COL23A1: variants seen among roughly 807,000 people sequenced by gnomAD.
COL23A1 encodes collagen type XXIII alpha 1 chain.
Under a neutral mutation model 99.3 loss-of-function variants are expected in COL23A1, and 97 were observed. The observed-to-expected ratio is 0.98, with a 90% confidence interval of 0.83 to 1.16. The LOEUF is 1.16. Among genes scored for constraint, COL23A1 ranks in the 50% most tolerant of loss-of-function variants. The pLI is 0.00. For missense variants in COL23A1, 762 were observed against 757.4 expected (o/e 1.01, Z -0.07); for synonymous variants, 320 against 308.2 (o/e 1.04, Z -0.40).
intron 2 of COL23A1, among the ~76,000 whole-genome samples, chr5:178,552,107 T>A (rs1259744094): frequency 6.6e-6 from 1 of 152,206 alleles, no homozygotes; most frequent in East Asian, 1.9e-4. Context: ...CAGATCCTCC[T>A]GACCCGAAGT....
chr5:178,487,178 G>A (rs1484690959), intron 2 of COL23A1, among the ~76,000 whole-genome samples: 1 of 151,950 alleles, frequency 6.6e-6, no homozygotes, highest in African/African-American at 2.4e-5. Context: ...AGAATCTAGA[G>A]GCTCCAGGCT....
chr5:178,259,285 G>C (rs1765500221), intron 12 of COL23A1, among the ~76,000 whole-genome samples: 2 of 152,114 alleles, frequency 1.3e-5, no homozygotes, highest in African/African-American at 4.8e-5. Flanking sequence ...CAGGAGAAGA[G>C]GCCGGGGAGG....
At chr5:178,572,322 TGAG>T (rs1056309200) in intron 1 of COL23A1, among the ~76,000 whole-genome samples, 1 of 151,718 alleles carries the variant, frequency 6.6e-6, no homozygotes, top group Non-Finnish European at 1.5e-5. Context: ...AGTCACCAAA[TGAG>T]GAGTGAGAAA....
At chr5:178,466,653 G>A (rs1448271251) in intron 2 of COL23A1, among the ~76,000 whole-genome samples, 69 of 152,238 alleles carry the variant, frequency 4.5e-4, no homozygotes, top group Admixed American at 4.5e-3. Context: ...GCGGGGGATG[G>A]CCCTGCAGCC....
At chr5:178,401,300 C>T (rs185063254) in intron 2 of COL23A1, among the ~76,000 whole-genome samples, 1 of 152,208 alleles carries the variant, frequency 6.6e-6, no homozygotes, top group Non-Finnish European at 1.5e-5. Context: ...GTGAATAGTG[C>T]GGCTATGAAC....
In COL23A1 at chr5:178,310,239, C is replaced by T. The variant is rs1235020775; in HGVS notation, c.362-3320G>A. 6.6e-6 allele frequency among the ~76,000 whole-genome samples: 1 copy of T among 152,072 alleles called. No homozygotes were observed. Among genetic ancestry groups the T allele is most frequent in the Non-Finnish European group, 1.5e-5 (1 of 68,020 alleles). On this transcript the variant is annotated intron_variant, in intron 2 of 28. Coordinates refer to ENST00000390654, the MANE Select transcript of COL23A1 (RefSeq NM_173465.4). This position sits in a 1 kb window ranked among gnomAD's most constrained non-coding sequence, Gnocchi z 4.3. The stretch of plus-strand genomic sequence containing the variant: ...TGCTTCCACCAACAGAGAGGCCAGG[C>T]GGGCTTGGAGACTGGATTGCAGGAG...
chr5:178,502,903 G>A (rs574649618), intron 2 of COL23A1, among the ~76,000 whole-genome samples: 9 of 152,310 alleles, frequency 5.9e-5, no homozygotes, highest in South Asian at 4.1e-4. Context: ...CACGCTGCAC[G>A]CAGTGTGACA....
intron 2 of COL23A1, among the ~76,000 whole-genome samples, chr5:178,525,691 C>T (rs1760263469): frequency 1.4e-5 from 2 of 138,372 alleles, no homozygotes; most frequent in South Asian, 2.4e-4. Context: ...GCTAAGCTCA[C>T]ATGGCTGGTA....
At chr5:178,411,107 A>G (rs1765033567) in intron 2 of COL23A1, among the ~76,000 whole-genome samples, 1 of 152,190 alleles carries the variant, frequency 6.6e-6, no homozygotes, top group East Asian at 1.9e-4. Context: ...CTTCACACCC[A>G]CTAGGAAGGT....
intron 2 of COL23A1, among the ~76,000 whole-genome samples, chr5:178,413,351 T>G (rs540481998): frequency 6.6e-6 from 1 of 152,368 alleles, no homozygotes; most frequent in East Asian, 1.9e-4. Context: ...TTTTTACCCT[T>G]TAAATTAAAA....
chr5:178,247,295 G>A (rs1353372664), intron 22 of COL23A1, among the ~76,000 whole-genome samples: 5 of 152,114 alleles, frequency 3.3e-5, no homozygotes, highest in African/African-American at 1.2e-4. Flanking sequence ...CTGGGGTCCC[G>A]GGCAGAGGGA....
intron 2 of COL23A1, among the ~76,000 whole-genome samples, chr5:178,520,575 A>G (rs1311432807): frequency 4.6e-5 from 7 of 152,188 alleles, no homozygotes; most frequent in Non-Finnish European, 1.0e-4. Flanking sequence ...TCAATGAGAC[A>G]AAGCAGACAG....
At chr5:178,295,703 T>G (rs1036556797) in intron 3 of COL23A1, among the ~76,000 whole-genome samples, 8 of 152,204 alleles carry the variant, frequency 5.3e-5, no homozygotes, top group Admixed American at 4.6e-4. Context: ...AGTGTTGAGA[T>G]AGTAAAAGTA....
chr5:178,343,683 A>T (rs1481630090), intron 2 of COL23A1, among the ~76,000 whole-genome samples: 1 of 144,622 alleles, frequency 6.9e-6, no homozygotes. Context: ...TTTTTTGGAG[A>T]CGGAGTCTTG....
chr5:178,252,525 T>C lies in COL23A1; in HGVS notation c.1014+19A>G, dbSNP rs1300284273. On this transcript the variant is annotated intron_variant, in intron 17 of 28. Coordinates refer to ENST00000390654, the MANE Select transcript of COL23A1 (RefSeq NM_173465.4). ...GGAGACAAATGCTTGGGGGACCACA[T>C]AGCTGCATCTGCACTGACCTTGGCT... The C allele has an allele frequency of 6.2e-7, 1 of 1,607,218 alleles. No homozygotes were observed. Among genetic ancestry groups the C allele is most frequent in the East Asian group, 2.2e-5 (1 of 44,554 alleles).
chr5:178,283,367 C>T (rs1166811321), intron 5 of COL23A1, among the ~76,000 whole-genome samples: 1 of 152,180 alleles, frequency 6.6e-6, no homozygotes, highest in African/African-American at 2.4e-5. Context: ...AAAGCTTGCT[C>T]CAACTTCATG....
chr5:178,281,607 G>A lies in COL23A1; in HGVS notation c.441+6717C>T, dbSNP rs371469662. Among the ~76,000 whole-genome samples, 19 of 152,144 alleles carry A rather than the reference G, an allele frequency of 1.2e-4. No homozygotes were observed. The highest frequency in any genetic ancestry group is 2.6e-4 in the Admixed American group (4 of 15,278). On this transcript the variant is annotated intron_variant, in intron 5 of 28. Coordinates refer to ENST00000390654, the MANE Select transcript of COL23A1 (RefSeq NM_173465.4). The surrounding 1 kb of genome is among the most constrained non-coding windows in gnomAD (Gnocchi z 4.0). ...TGACCTGTGACGCCTGCCAGCCCTC[G>A]TTTCTGTTAGTCATTCAGGCTTCAC...
rs532283424 is a variant in COL23A1, at chr5:178,307,207, T to G, written c.362-288A>C. Among the ~76,000 whole-genome samples the G allele has an allele frequency of 6.6e-6, 1 of 152,240 alleles. No homozygotes were observed. Among genetic ancestry groups the G allele is most frequent in the East Asian group, 1.9e-4 (1 of 5,170 alleles). ...GGCTCACTCAGTCATTCCTAAGCCCTCCCCTAATCACAAAGATTCCCATGG... is the reference window on the plus strand; with the variant it reads ...GGCTCACTCAGTCATTCCTAAGCCCGCCCCTAATCACAAAGATTCCCATGG... On this transcript the variant is annotated intron_variant, in intron 2 of 28. Transcript: ENST00000390654. This position sits in a 1 kb window ranked among gnomAD's most constrained non-coding sequence, Gnocchi z 4.2.
At chr5:178,463,410 T>A (rs556965540) in intron 2 of COL23A1, among the ~76,000 whole-genome samples, 1 of 151,714 alleles carries the variant, frequency 6.6e-6, no homozygotes, top group South Asian at 2.1e-4. Context: ...TGAGGTGGAG[T>A]GAAACTGTTA....
Sources: gnomAD v4.1 joint callset for allele counts (sites outside exome capture counted in the v4.1 genomes callset) on GRCh38, gnomAD v4.1.1 for gene constraint, Gnocchi (gnomAD v3.1) non-coding constraint, MANE v1.5 for transcripts, NCBI Gene and HGNC (gene_info 2026-07-23, HGNC 2026-07-21) for gene names.